PCDHA2: variants seen among roughly 807,000 people sequenced by gnomAD.
PCDHA2 encodes protocadherin alpha 2, also known as protocadherin alpha-2.
PCDHA2 carries 58 observed loss-of-function variants against 66.0 expected under a neutral mutation model. That is an observed-to-expected ratio of 0.88 (90% confidence interval 0.71 to 1.09). The LOEUF (loss-of-function observed/expected upper bound fraction) is 1.09. PCDHA2 is among the 50% of genes least tolerant of loss of function. The pLI, the probability that PCDHA2 is intolerant of heterozygous loss-of-function variation, is 0.00. For synonymous variants in PCDHA2, 634 were observed against 554.0 expected, an observed-to-expected ratio of 1.14 and a Z score of -2.03; for missense variants, 1,267 against 1,242.3, an observed-to-expected ratio of 1.02 and a Z score of -0.30.
At chr5:140,869,718 T>A (rs1228223839) in intron 1 of PCDHA2, 19 of 1,613,290 alleles carry the variant, frequency 1.2e-5, no homozygotes, top group Non-Finnish European at 1.2e-5. Flanking sequence ...GAGAGAAAAC[T>A]CCGGAACTTA....
At chr5:140,990,224 G>T (rs1368393390) in intron 3 of PCDHA2, among the ~76,000 whole-genome samples, 1 of 152,160 alleles carries the variant, frequency 6.6e-6, no homozygotes, top group Non-Finnish European at 1.5e-5. Flanking sequence ...GAAGTTTATT[G>T]TAACTAGCGT....
chr5:140,869,511 A>G, intron 1 of PCDHA2: 1 of 1,614,194 alleles, frequency 6.2e-7, no homozygotes, highest in Non-Finnish European at 8.5e-7. Context: ...TCTCGCTCAG[A>G]GAACAAAAGC....
intron 1 of PCDHA2, among the ~76,000 whole-genome samples, chr5:140,938,027 T>C (rs1372788447): frequency 6.6e-6 from 1 of 152,220 alleles, no homozygotes; most frequent in Non-Finnish European, 1.5e-5. Flanking sequence ...TAAAATCTCA[T>C]ATTTTTATAT....
At chr5:140,857,712 T>C (rs781941638) in intron 1 of PCDHA2, 3 of 1,597,298 alleles carry the variant, frequency 1.9e-6, no homozygotes, top group Admixed American at 1.7e-5. Context: ...GTGTTCGTGC[T>C]GGACGAGAAC....
chr5:140,936,270 T>G (rs1367001317), intron 1 of PCDHA2, among the ~76,000 whole-genome samples: 2 of 152,226 alleles, frequency 1.3e-5, no homozygotes, highest in Non-Finnish European at 2.9e-5. Context: ...GAAGATATAT[T>G]CCTGTGTTTT....
At chr5:140,917,329 G>GGGGGGGGGGGGT (rs1563018868) in intron 1 of PCDHA2, among the ~76,000 whole-genome samples, 1 of 143,928 alleles carries the variant, frequency 6.9e-6, no homozygotes, top group Non-Finnish European at 1.5e-5. Context: ...TGTGGCGGGG[G>GGGGGGGGGGGGT]AGGGGGGGGA....
chr5:140,822,338 C>G, intron 1 of PCDHA2: 1 of 1,614,052 alleles, frequency 6.2e-7, no homozygotes, highest in Non-Finnish European at 8.5e-7. Flanking sequence ...GAAGAAGAAA[C>G]GAACTTTTTA....
intron 1 of PCDHA2, chr5:140,822,761 T>C: frequency 6.2e-7 from 1 of 1,613,988 alleles, no homozygotes; most frequent in Non-Finnish European, 8.5e-7. Flanking sequence ...ACATTCCCAT[T>C]ATCAGGACAC....
intron 1 of PCDHA2, chr5:140,876,688 T>A (rs1382110439): frequency 2.5e-6 from 4 of 1,614,172 alleles, no homozygotes; most frequent in Non-Finnish European, 3.4e-6. Context: ...GAATTACTAC[T>A]CGTTGGTGCT....
chr5:141,008,594 C>A (rs1018305560), intron 3 of PCDHA2, among the ~76,000 whole-genome samples: 1 of 152,214 alleles, frequency 6.6e-6, no homozygotes, highest in African/African-American at 2.4e-5. Context: ...GCAGATTTCA[C>A]CTCCTCTGGA....
chr5:140,886,158 C>A (rs888588847), intron 1 of PCDHA2, among the ~76,000 whole-genome samples: 2 of 152,142 alleles, frequency 1.3e-5, no homozygotes, highest in South Asian at 4.1e-4. Context: ...CTTTTTATAG[C>A]CACATCTGCT....
chr5:140,836,597 T>A (rs2150265046), intron 1 of PCDHA2: 1 of 1,613,676 alleles, frequency 6.2e-7, no homozygotes, highest in Admixed American at 1.7e-5. Flanking sequence ...TAAAGCCCAC[T>A]CTGGTGTGCT....
At chr5:140,810,734 C>T (rs1764721277) in intron 1 of PCDHA2, 1 of 151,768 alleles carries the variant, frequency 6.6e-6, no homozygotes, top group African/African-American at 2.4e-5. Context: ...TTTCTTATTA[C>T]TTAAACAAAT....
intron 1 of PCDHA2, among the ~76,000 whole-genome samples, chr5:140,916,329 T>C (rs1554197398): frequency 6.6e-6 from 1 of 152,178 alleles, no homozygotes; most frequent in African/African-American, 2.4e-5. Context: ...TCCCCTTTAC[T>C]TTTTCCTCTG....
At chr5:140,830,105 A>G in intron 1 of PCDHA2, 1 of 1,613,218 alleles carries the variant, frequency 6.2e-7, no homozygotes, top group African/African-American at 1.3e-5. Context: ...GCTGGTGGAG[A>G]GTGGCCAGGC....
At chr5:140,897,419 A>G (rs1329501260) in intron 1 of PCDHA2, among the ~76,000 whole-genome samples, 2 of 141,212 alleles carry the variant, frequency 1.4e-5, no homozygotes, top group East Asian at 4.3e-4. Flanking sequence ...ATTCCCATCT[A>G]TGAGTGAGAA....
In PCDHA2 at chr5:140,796,164, C is replaced by T; in HGVS notation, c.1200C>T (p.Thr400=). 6.2e-7 allele frequency: 1 copy of T among 1,614,222 alleles called. No individual in the cohort carries two copies. ...TPHVPFKLVS[T]FKNYYSLVLD... ...ACGTCCCTTTCAAGCTGGTGTCCACCTTCAAGAATTACTACTCGTTGGTGC... is the reference window on the plus strand; with the variant it reads ...ACGTCCCTTTCAAGCTGGTGTCCACTTTCAAGAATTACTACTCGTTGGTGC... Residue 400 remains threonine, a synonymous_variant, in exon 1 of 4, where the codon ACC becomes ACT. Coordinates refer to ENST00000526136, the MANE Select transcript of PCDHA2 (RefSeq NM_018905.3).
At chr5:140,953,540 T>C (rs1217393469) in intron 1 of PCDHA2, among the ~76,000 whole-genome samples, 1 of 152,174 alleles carries the variant, frequency 6.6e-6, no homozygotes, top group Non-Finnish European at 1.5e-5. Flanking sequence ...CACTTCATGC[T>C]GATTCTTTTC....
At chr5:140,967,680 G>A in intron 1 of PCDHA2, 4 of 1,614,228 alleles carry the variant, frequency 2.5e-6, no homozygotes, top group South Asian at 1.1e-5. Context: ...GACCGGGAGA[G>A]GCAGCTCTTC....
Sources: gnomAD v4.1 joint callset for allele counts (sites outside exome capture counted in the v4.1 genomes callset) on GRCh38, gnomAD v4.1.1 for gene constraint, MANE v1.5 for transcripts, NCBI Gene and HGNC (gene_info 2026-07-23, HGNC 2026-07-21) for gene names.